The following DNM3 variants were observed in gnomAD, a reference collection of about 807,000 sequenced individuals.
DNM3 encodes dynamin-3.
A neutral mutation model predicts 101.6 loss-of-function variants in DNM3; 47 were observed. The ratio of observed to expected loss-of-function variants is 0.46; its 90% CI spans 0.37 to 0.59. The LOEUF (loss-of-function observed/expected upper bound fraction) is 0.59. Among genes scored for constraint, DNM3 ranks in the 20% least tolerant of loss-of-function variants. The pLI is 0.00. For missense variants in DNM3, 849 were observed against 1,085.7 expected, an observed-to-expected ratio of 0.78 and a Z score of 3.06; for synonymous variants, 385 against 387.9, an observed-to-expected ratio of 0.99 and a Z score of 0.09.
At chr1:172,389,275 A>G (rs567723495) in intron 20 of DNM3, 2 of 159,192 alleles carry the variant, frequency 1.3e-5, no homozygotes, top group African/African-American at 2.5e-5. Flanking sequence ...AATTTTACCA[A>G]TTTTCATATA....
intron 1 of DNM3, among the ~76,000 whole-genome samples, chr1:171,896,510 C>T (rs559786830): frequency 1.4e-4 from 22 of 152,282 alleles, no homozygotes; most frequent in African/African-American, 5.3e-4. Flanking sequence ...TATCCTGAGA[C>T]TTTGCTGAAG....
intron 14 of DNM3, chr1:172,136,429 AG>A (rs2057232137): frequency 6.6e-6 from 1 of 152,220 alleles, no homozygotes; most frequent in Non-Finnish European, 1.5e-5. Context: ...GTGGTGGAAA[AG>A]GTCAGCGTCG....
chr1:172,279,784 C>T (rs1395505429), intron 15 of DNM3, among the ~76,000 whole-genome samples: 2 of 152,064 alleles, frequency 1.3e-5, no homozygotes, highest in Non-Finnish European at 2.9e-5. Context: ...TCTTTCTTAC[C>T]CCTTGGCCTC....
chr1:172,129,102 A>G (rs1326356204), intron 13 of DNM3, among the ~76,000 whole-genome samples: 2 of 152,192 alleles, frequency 1.3e-5, no homozygotes, highest in Non-Finnish European at 2.9e-5. Context: ...CAATGAAATA[A>G]CTAGTATATT....
chr1:172,119,301 A>C (rs551683447), intron 13 of DNM3, among the ~76,000 whole-genome samples: 2 of 151,960 alleles, frequency 1.3e-5, no homozygotes, highest in Non-Finnish European at 2.9e-5. Flanking sequence ...CAGTTGTTAA[A>C]TATTTTTAAT....
At chr1:172,354,266 T>G (rs2067340688) in intron 17 of DNM3, among the ~76,000 whole-genome samples, 1 of 152,172 alleles carries the variant, frequency 6.6e-6, no homozygotes, top group Non-Finnish European at 1.5e-5. Flanking sequence ...GCAGACACTC[T>G]GAAGGATGAG....
intron 4 of DNM3, among the ~76,000 whole-genome samples, chr1:172,021,788 G>A (rs978669056): frequency 2.0e-5 from 3 of 152,292 alleles, no homozygotes; most frequent in East Asian, 1.9e-4. Flanking sequence ...GTTCTTTCCT[G>A]AAGAGACACA....
chr1:172,042,153 C>T lies in DNM3; in HGVS notation c.1128+9C>T. Reference sequence around the variant, plus strand: ...CTTTTGAGATAGTAAAGGTTTGTGTCAAACGTTATTTTTTTCTTAGTTTCA... The same window carrying T: ...CTTTTGAGATAGTAAAGGTTTGTGTTAAACGTTATTTTTTTCTTAGTTTCA... On this transcript the variant is annotated intron_variant, in intron 8 of 20. Transcript: ENST00000627582. 1.9e-6 allele frequency: 3 copies of T among 1,581,650 alleles called. No individual in the cohort carries two copies. The highest frequency in any genetic ancestry group is 2.6e-6 in the Non-Finnish European group (3 of 1,170,552).
At chr1:172,145,350 C>T (rs537004704) in intron 14 of DNM3, among the ~76,000 whole-genome samples, 34 of 151,080 alleles carry the variant, frequency 2.3e-4, no homozygotes, top group Non-Finnish European at 3.8e-4. Flanking sequence ...CTCTCTCCCC[C>T]TCTTCCCCTC....
At chr1:172,120,586 C>T (rs76511966) in intron 13 of DNM3, among the ~76,000 whole-genome samples, 1,891 of 152,302 alleles carry the variant, frequency 0.012, 23 homozygotes, top group Middle Eastern at 0.031. Flanking sequence ...GAGGCTCACT[C>T]TTGCTTTAGG....
chr1:172,066,150 G>T (rs1572351274), intron 10 of DNM3, among the ~76,000 whole-genome samples: 1 of 152,062 alleles, frequency 6.6e-6, no homozygotes, highest in African/African-American at 2.4e-5. Flanking sequence ...GTATTTGTAA[G>T]ATTGGGCTAT....
chr1:172,143,351 G>A (rs1202596862), intron 14 of DNM3, among the ~76,000 whole-genome samples: 1 of 152,104 alleles, frequency 6.6e-6, no homozygotes, highest in African/African-American at 2.4e-5. Context: ...GAAATTAATG[G>A]GGGTTAAGAA....
intron 10 of DNM3, among the ~76,000 whole-genome samples, chr1:172,059,078 T>C (rs2050914822): frequency 6.6e-6 from 1 of 151,668 alleles, no homozygotes; most frequent in Non-Finnish European, 1.5e-5. Context: ...TCTACGCAAA[T>C]AAACTAGAAA....
intron 14 of DNM3, among the ~76,000 whole-genome samples, chr1:172,220,794 T>G (rs1457510429): frequency 6.6e-6 from 1 of 152,218 alleles, no homozygotes; most frequent in East Asian, 1.9e-4. Flanking sequence ...TATCACAATC[T>G]GACCCGTTGA....
chr1:171,875,699 T>C (rs2035698675), intron 1 of DNM3, among the ~76,000 whole-genome samples: 1 of 152,156 alleles, frequency 6.6e-6, no homozygotes, highest in Admixed American at 6.5e-5. Context: ...AGTACCTACC[T>C]TACTGCATTG....
intron 10 of DNM3, among the ~76,000 whole-genome samples, chr1:172,050,181 C>T (rs2050107490): frequency 6.6e-6 from 1 of 152,198 alleles, no homozygotes; most frequent in Non-Finnish European, 1.5e-5. Context: ...ATCCCTGCTG[C>T]CCTCACCTAC....
At chr1:172,147,899 T>G (rs928364112) in intron 14 of DNM3, among the ~76,000 whole-genome samples, 7 of 152,150 alleles carry the variant, frequency 4.6e-5, no homozygotes, top group Non-Finnish European at 7.4e-5. Context: ...TTCTCAATGG[T>G]CATTTTACAG....
At position 172,048,738 on chromosome 1, in the gene DNM3, G is replaced by A. The variant is rs114820406; in HGVS notation, c.1323G>A (p.Lys441=). 4.3e-4 allele frequency: 698 copies of A among 1,611,752 alleles called. 3 individuals carry two copies. In the African/African-American group the frequency reaches 7.3e-3, roughly 17 times the overall value. ...AAGAATTAATCAACACTGTGAAGAA[G>A]TGTACCAAAAAAGTAAGTTCGAATT... ...VIQELINTVK[K]CTKKLANFPR... Residue 441 remains lysine (K), a synonymous_variant, in exon 10 of 21, where the codon AAG becomes AAA. Transcript: ENST00000627582.
intron 4 of DNM3, among the ~76,000 whole-genome samples, chr1:172,015,360 A>C (rs2047383450): frequency 6.6e-6 from 1 of 152,202 alleles, no homozygotes; most frequent in Non-Finnish European, 1.5e-5. Context: ...AGTTGGGAAG[A>C]ACTAATATCT....
Sources: allele counts gnomAD v4.1 joint callset (sites outside exome capture counted in the v4.1 genomes callset), GRCh38; gene constraint gnomAD v4.1.1; transcripts MANE v1.5; gene names NCBI Gene and HGNC (gene_info 2026-07-23, HGNC 2026-07-21).